TRIM44: variants seen among roughly 807,000 people sequenced by gnomAD.
TRIM44 encodes tripartite motif containing 44.
TRIM44 carries 13 observed loss-of-function variants against 37.4 expected under a neutral mutation model. The observed-to-expected ratio is 0.35, with a 90% confidence interval of 0.23 to 0.55. The LOEUF (loss-of-function observed/expected upper bound fraction) is 0.55. Among genes scored for constraint, TRIM44 ranks in the 20% least tolerant of loss-of-function variants. The pLI, the probability that TRIM44 is intolerant of heterozygous loss-of-function variation, is 0.89. For synonymous variants in TRIM44, 175 were observed against 157.2 expected, an observed-to-expected ratio of 1.11 and a Z score of -0.85; for missense variants, 426 against 437.2, an observed-to-expected ratio of 0.97 and a Z score of 0.23.
rs1220113131 is a variant in TRIM44 at position 35,777,005 on chromosome 11, A to G, written c.1008-29353A>G. Among the ~76,000 whole-genome samples the G allele has an allele frequency of 2.6e-5, 4 of 152,112 alleles. No individual in the cohort carries two copies. In the East Asian group the frequency reaches 7.7e-4, roughly 29 times the overall value. On this transcript the variant is annotated intron_variant, in intron 4 of 4. Coordinates refer to ENST00000299413, the MANE Select transcript of TRIM44 (RefSeq NM_017583.6). ...GCAGAGCTGAGTTCAAGTCCTGGATATCCTTGTTAACCTTCTGTCTCGTTG... is the reference window on the plus strand; with the variant it reads ...GCAGAGCTGAGTTCAAGTCCTGGATGTCCTTGTTAACCTTCTGTCTCGTTG...
intron 4 of TRIM44, among the ~76,000 whole-genome samples, chr11:35,803,169 C>T (rs1212794797): frequency 6.6e-6 from 1 of 151,920 alleles, no homozygotes; most frequent in Non-Finnish European, 1.5e-5. Context: ...GCATTTGAAC[C>T]TAGTTCAGTC....
At position 35,806,522 on chromosome 11, in the gene TRIM44, C is replaced by A; in HGVS notation, c.*137C>A. 1.1e-6 allele frequency: 1 copy of A among 896,872 alleles called. No homozygotes were observed. The allele number at this position is 896,872 out of a possible 1,614,324, so 55.6% of individuals were successfully genotyped here. A position where few individuals can be genotyped will look rare whatever the true frequency, so the allele number is the denominator to read the frequency against. ...ACCAGATGTGTCCCCAGATCCACAG[C>A]AGGCACATATCTCTCCAAGGGATGA... On this transcript the variant is annotated 3_prime_UTR_variant, in exon 5 of 5. Transcript: ENST00000299413.
chr11:35,670,127 T>C (rs183426480), intron 1 of TRIM44, among the ~76,000 whole-genome samples: 2 of 152,306 alleles, frequency 1.3e-5, no homozygotes, highest in East Asian at 3.9e-4. Flanking sequence ...CTGGCCGTCC[T>C]TTAAATGTTT....
chr11:35,753,979 G>A (rs1323344700), intron 4 of TRIM44, among the ~76,000 whole-genome samples: 2 of 151,958 alleles, frequency 1.3e-5, no homozygotes, highest in Middle Eastern at 3.4e-3. Flanking sequence ...AGGAGGCCAA[G>A]GCTGCAGTGA....
intron 4 of TRIM44, among the ~76,000 whole-genome samples, chr11:35,760,040 GT>G (rs1852701166): frequency 6.6e-6 from 1 of 152,226 alleles, no homozygotes; most frequent in South Asian, 2.1e-4. Flanking sequence ...GGACATATAA[GT>G]CTGCAGAGGT....
At chr11:35,772,532 A>G (rs964086164) in intron 4 of TRIM44, among the ~76,000 whole-genome samples, 1 of 152,222 alleles carries the variant, frequency 6.6e-6, no homozygotes, top group Admixed American at 6.5e-5. Flanking sequence ...CACCTCTTGC[A>G]TCAGCATGAC....
chr11:35,723,411 A>G (rs555487247), intron 2 of TRIM44, among the ~76,000 whole-genome samples: 6 of 152,368 alleles, frequency 3.9e-5, no homozygotes, highest in Admixed American at 6.5e-5. Context: ...TAACAAAGAT[A>G]TATCAGCTTG....
At position 35,688,816 on chromosome 11, in the gene TRIM44, A is replaced by G. The variant is rs149594789; in HGVS notation, c.747+3480A>G. Among the ~76,000 whole-genome samples, 698 of 152,320 alleles carry G rather than the reference A, an allele frequency of 4.6e-3. 4 individuals are homozygous for G. Among genetic ancestry groups the G allele is most frequent in the Non-Finnish European group, 7.1e-3 (482 of 68,026 alleles). ...GGGTGGCTAGACAATGTTCATTTCT[A>G]TGAAATTATCAGGTGATGCTGATGT... On this transcript the variant is annotated intron_variant, in intron 2 of 4. Transcript: ENST00000299413.
Position 35,662,839 on chromosome 11 carries a change from CG to C in TRIM44, c.-268del. On this transcript the variant is annotated 5_prime_UTR_variant, in exon 1 of 5. Coordinates refer to ENST00000299413, the MANE Select transcript of TRIM44 (RefSeq NM_017583.6). ...GCGGGCGGCGCGACGCGGGGGCCGA[CG>C]GGGGCGCCGGGTGGCCGCGCCGGAA... 1 of 336,368 alleles carries C rather than the reference CG, an allele frequency of 3.0e-6. No individual in the cohort carries two copies. The highest frequency in any genetic ancestry group is 5.0e-6 in the Non-Finnish European group (1 of 200,126). 20.8% of individuals were successfully genotyped at this position (336,368 alleles called of 1,614,324 possible).
chr11:35,773,442 C>T (rs1462781314), intron 4 of TRIM44, among the ~76,000 whole-genome samples: 3 of 151,834 alleles, frequency 2.0e-5, no homozygotes, highest in East Asian at 1.9e-4. Flanking sequence ...GCTGTTTACT[C>T]GGTGGATAGT....
In TRIM44 at chr11:35,771,501, G is replaced by A. The variant is rs1465704394; in HGVS notation, c.1008-34857G>A. 8.5e-5 allele frequency among the ~76,000 whole-genome samples: 13 copies of A among 152,248 alleles called. No homozygotes were observed. In the South Asian group the frequency reaches 2.3e-3, roughly 27 times the overall value. ...GGCACTTTGGGAGGCCAAGGTGGGC[G>A]GATTATGAGGTCAGGAGTTGGAGAC... On this transcript the variant is annotated intron_variant, in intron 4 of 4. Coordinates refer to ENST00000299413, the MANE Select transcript of TRIM44 (RefSeq NM_017583.6).
At chr11:35,712,651 C>G (rs1590533457) in intron 2 of TRIM44, among the ~76,000 whole-genome samples, 1 of 152,140 alleles carries the variant, frequency 6.6e-6, no homozygotes. Context: ...TCCTCCTGCT[C>G]CAGCTCCTCT....
intron 3 of TRIM44, among the ~76,000 whole-genome samples, chr11:35,731,966 G>A (rs1304305708): frequency 6.6e-6 from 1 of 151,930 alleles, no homozygotes; most frequent in Non-Finnish European, 1.5e-5. Flanking sequence ...CATTTATAAG[G>A]TCCAATTTCA....
chr11:35,779,213 G>A (rs1338454127), intron 4 of TRIM44, among the ~76,000 whole-genome samples: 1 of 152,224 alleles, frequency 6.6e-6, no homozygotes, highest in Non-Finnish European at 1.5e-5. Context: ...CTAGCAGTGA[G>A]CGAGGCTCTG....
chr11:35,766,783 C>T (rs1852804023), intron 4 of TRIM44, among the ~76,000 whole-genome samples: 1 of 152,196 alleles, frequency 6.6e-6, no homozygotes, highest in African/African-American at 2.4e-5. Context: ...ACCTCTCTTC[C>T]CTGATTCAAA....
At chr11:35,694,896 TA>T (rs1851677513) in intron 2 of TRIM44, among the ~76,000 whole-genome samples, 1 of 152,122 alleles carries the variant, frequency 6.6e-6, no homozygotes, top group South Asian at 2.1e-4. Context: ...CAGTGAACCA[TA>T]AAAAAGCTTC....
At chr11:35,752,604 G>A (rs948222605) in intron 4 of TRIM44, among the ~76,000 whole-genome samples, 1 of 152,094 alleles carries the variant, frequency 6.6e-6, no homozygotes, top group East Asian at 1.9e-4. Context: ...CTGCCTTAGT[G>A]GGGGAAAGAG....
At chr11:35,721,040 A>C (rs554990070) in intron 2 of TRIM44, among the ~76,000 whole-genome samples, 2 of 151,472 alleles carry the variant, frequency 1.3e-5, no homozygotes, top group African/African-American at 4.8e-5. Flanking sequence ...AGTAGCTGGG[A>C]TTATAGGTGT....
At chr11:35,787,860 T>C (rs933981322) in intron 4 of TRIM44, among the ~76,000 whole-genome samples, 4 of 152,224 alleles carry the variant, frequency 2.6e-5, no homozygotes, top group Admixed American at 2.6e-4. Context: ...GACTTCATAA[T>C]GAGGCATTCA....
Sources: gnomAD v4.1 joint callset for allele counts (sites outside exome capture counted in the v4.1 genomes callset) on GRCh38, gnomAD v4.1.1 for gene constraint, MANE v1.5 for transcripts, NCBI Gene and HGNC (gene_info 2026-07-23, HGNC 2026-07-21) for gene names.